EDIL3: variants seen among roughly 807,000 people sequenced by gnomAD.
The protein encoded by EDIL3 is EGF like and discoidin domains 3, also known as EGF-like repeat and discoidin I-like domain-containing protein 3.
Under a neutral mutation model 67.4 loss-of-function variants are expected in EDIL3, and 37 were observed. The observed-to-expected ratio is 0.55, with a 90% CI of 0.42 to 0.72. The LOEUF is 0.72. Among genes scored for constraint, EDIL3 ranks in the 30% least tolerant of loss-of-function variants. The pLI, the probability that EDIL3 is intolerant of heterozygous loss-of-function variation, is 0.00. For missense variants in EDIL3, 527 were observed against 586.3 expected, an observed-to-expected ratio of 0.90 and a Z score of 1.04; for synonymous variants, 195 against 196.3, an observed-to-expected ratio of 0.99 and a Z score of 0.05.
At chr5:84,093,694 C>A (rs891291921) in intron 6 of EDIL3, among the ~76,000 whole-genome samples, 10 of 140,338 alleles carry the variant, frequency 7.1e-5, no homozygotes, top group African/African-American at 2.7e-4. Flanking sequence ...GGGTCTCGCT[C>A]TGTGGCCCAG....
intron 3 of EDIL3, among the ~76,000 whole-genome samples, chr5:84,209,635 T>A (rs945525244): frequency 1.1e-4 from 17 of 149,334 alleles, no homozygotes; most frequent in East Asian, 2.0e-4. Context: ...CTAAACTTAT[T>A]AAAAAAAAAA....
At chr5:84,352,589 G>A (rs560820654) in intron 1 of EDIL3, among the ~76,000 whole-genome samples, 4 of 151,916 alleles carry the variant, frequency 2.6e-5, no homozygotes, top group Non-Finnish European at 5.9e-5. Context: ...CTAAACAATG[G>A]GTACACACGG....
chr5:84,248,526 T>G (rs1043447057), intron 2 of EDIL3, among the ~76,000 whole-genome samples: 1 of 152,208 alleles, frequency 6.6e-6, no homozygotes, highest in Non-Finnish European at 1.5e-5. Context: ...ATTATCCTGT[T>G]TCTAGACAGA....
chr5:84,075,963 AT>A (rs781279388), intron 6 of EDIL3, among the ~76,000 whole-genome samples: 9,502 of 148,352 alleles, frequency 0.064, 442 homozygotes, highest in Middle Eastern at 0.11. Context: ...ATATATATAT[AT>A]ATATAAATAT....
intron 1 of EDIL3, among the ~76,000 whole-genome samples, chr5:84,368,152 AAGACC>A (rs145006129): frequency 0.014 from 2,080 of 152,290 alleles, 52 homozygotes; most frequent in African/African-American, 0.048. Context: ...AGACCATCCT[AAGACC>A]ATATGAAATC....
chr5:84,230,087 T>C (rs1450770807), intron 2 of EDIL3, among the ~76,000 whole-genome samples: 18 of 152,202 alleles, frequency 1.2e-4, no homozygotes, highest in Non-Finnish European at 2.9e-5. Flanking sequence ...GATTAATGAG[T>C]ATTCACATTA....
chr5:84,371,262 G>T (rs1442591876), intron 1 of EDIL3, among the ~76,000 whole-genome samples: 1 of 146,308 alleles, frequency 6.8e-6, no homozygotes, highest in African/African-American at 2.5e-5. Flanking sequence ...TAAGCTGAGG[G>T]ATGAGTTAGA....
chr5:84,001,076 A>G (rs761464100), intron 9 of EDIL3, among the ~76,000 whole-genome samples: 2 of 152,014 alleles, frequency 1.3e-5, no homozygotes, highest in Admixed American at 6.6e-5. Context: ...TTTGAGACAG[A>G]ATCTCTGTTG....
intron 9 of EDIL3, among the ~76,000 whole-genome samples, chr5:83,991,488 C>G (rs897690922): frequency 2.0e-5 from 3 of 152,164 alleles, no homozygotes; most frequent in Non-Finnish European, 4.4e-5. Flanking sequence ...CTCTTACTTT[C>G]TCACTTTTAT....
intron 1 of EDIL3, among the ~76,000 whole-genome samples, chr5:84,296,625 A>G (rs1221617450): frequency 6.6e-6 from 1 of 152,226 alleles, no homozygotes; most frequent in East Asian, 1.9e-4. Flanking sequence ...AAACTTGTGT[A>G]CAACTAAAGG....
At chr5:84,319,494 C>CAACA (rs1746583414) in intron 1 of EDIL3, among the ~76,000 whole-genome samples, 1 of 42,832 alleles carries the variant, frequency 2.3e-5, no homozygotes, top group African/African-American at 8.9e-5. Flanking sequence ...CAAAAAACAA[C>CAACA]AAAAAAAAAA....
intron 6 of EDIL3, among the ~76,000 whole-genome samples, chr5:84,085,897 A>G (rs566154467): frequency 6.6e-6 from 1 of 152,290 alleles, no homozygotes; most frequent in South Asian, 2.1e-4. Context: ...CTGCCCAGTG[A>G]GGAGGAATCT....
chr5:84,077,793 C>T (rs1353026765), intron 6 of EDIL3, among the ~76,000 whole-genome samples: 1 of 151,946 alleles, frequency 6.6e-6, no homozygotes, highest in South Asian at 2.1e-4. Flanking sequence ...CTTCCTCTTC[C>T]CCTCCTCCTC....
chr5:84,223,212 C>T (rs898189294), intron 3 of EDIL3, among the ~76,000 whole-genome samples: 4 of 151,530 alleles, frequency 2.6e-5, no homozygotes, highest in South Asian at 2.1e-4. Flanking sequence ...TCTGGTGCAG[C>T]CATTATGGAA....
intron 9 of EDIL3, among the ~76,000 whole-genome samples, chr5:83,987,747 T>C (rs958137808): frequency 2.6e-5 from 4 of 152,190 alleles, no homozygotes; most frequent in Admixed American, 6.5e-5. Flanking sequence ...ATCTTTGCTA[T>C]AGTCTCTGAG....
intron 10 of EDIL3, among the ~76,000 whole-genome samples, chr5:83,952,007 A>T (rs943298390): frequency 2.0e-5 from 3 of 151,742 alleles, no homozygotes; most frequent in African/African-American, 7.3e-5. Context: ...CCGATGAGAG[A>T]CCAAAGGGAC....
chr5:83,982,298 A>C (rs1361041690), intron 9 of EDIL3, among the ~76,000 whole-genome samples: 1 of 152,124 alleles, frequency 6.6e-6, no homozygotes, highest in East Asian at 1.9e-4. Flanking sequence ...TTACTGAATG[A>C]GGCCAAAATT....
chr5:83,993,603 T>C (rs558480607), intron 9 of EDIL3, among the ~76,000 whole-genome samples: 2 of 152,262 alleles, frequency 1.3e-5, no homozygotes, highest in African/African-American at 2.4e-5. Context: ...CAAGGAAAGA[T>C]TGAATAGAAT....
chr5:83,985,720 T>C (rs1374795945), intron 9 of EDIL3, among the ~76,000 whole-genome samples: 2 of 151,998 alleles, frequency 1.3e-5, no homozygotes, highest in Non-Finnish European at 2.9e-5. Flanking sequence ...GCACCAGCTA[T>C]ACTAGGTAAA....
Sources: gnomAD v4.1 joint callset for allele counts (sites outside exome capture counted in the v4.1 genomes callset) on GRCh38, gnomAD v4.1.1 for gene constraint, MANE v1.5 for transcripts, NCBI Gene and HGNC (gene_info 2026-07-23, HGNC 2026-07-21) for gene names.